Variants in RALGAPA1 observed in about 807,000 individuals in gnomAD.
RALGAPA1 encodes ral GTPase-activating protein subunit alpha-1.
RALGAPA1 carries 52 observed loss-of-function variants against 269.6 expected under a neutral mutation model. The ratio of observed to expected loss-of-function variants is 0.19; its 90% CI spans 0.15 to 0.24. The LOEUF is 0.24. Among genes scored for constraint, RALGAPA1 ranks in the 10% least tolerant of loss-of-function variants. The pLI is 1.00. For missense variants in RALGAPA1, 1,917 were observed against 3,013.9 expected, an observed-to-expected ratio of 0.64 and a Z score of 8.52; for synonymous variants, 817 against 1,008.3, an observed-to-expected ratio of 0.81 and a Z score of 3.60.
At chr14:35,549,022 G>T in intron 40 of RALGAPA1, 88 bp downstream of exon 40, 2 of 1,426,266 alleles carry the variant, frequency 1.4e-6, no homozygotes, top group Non-Finnish European at 1.9e-6. Flanking sequence ...TCAATGATTA[G>T]AATTTTTTTC....
intron 37 of RALGAPA1, among the ~76,000 whole-genome samples, chr14:35,589,846 T>C (rs1224516714): frequency 3.3e-5 from 5 of 152,070 alleles, no homozygotes; most frequent in Non-Finnish European, 5.9e-5. Context: ...ACTACAGGCA[T>C]GCACCACTAT....
intron 3 of RALGAPA1, among the ~76,000 whole-genome samples, chr14:35,771,723 A>G (rs2141507835): frequency 6.6e-6 from 1 of 151,986 alleles, no homozygotes; most frequent in East Asian, 1.9e-4. Flanking sequence ...TGCACTGGCT[A>G]TTCAGAAGCA....
intron 37 of RALGAPA1, among the ~76,000 whole-genome samples, chr14:35,581,869 A>G (rs927647948): frequency 2.0e-5 from 3 of 152,168 alleles, no homozygotes; most frequent in Non-Finnish European, 4.4e-5. Flanking sequence ...TGATCCCAGC[A>G]ATTCCACTCC....
chr14:35,544,130 T>C lies in RALGAPA1; in HGVS notation c.*23+4378A>G, dbSNP rs577783496. On this transcript the variant is annotated intron_variant, in intron 41 of 41. Coordinates refer to ENST00000680220, the MANE Select transcript of RALGAPA1 (RefSeq NM_001346249.2). ...AATTTGCATTTATATGGATAACAAC[T>C]GGCAGAACTAGGATTTAAATCCAGA... Among the ~76,000 whole-genome samples the C allele has an allele frequency of 2.0e-5, 3 of 152,322 alleles. No individual in the cohort carries two copies. The East Asian group carries it at 5.8e-4, about 29-fold the overall frequency.
intron 1 of RALGAPA1, among the ~76,000 whole-genome samples, chr14:35,805,945 C>T (rs2077343120): frequency 6.6e-6 from 1 of 152,056 alleles, no homozygotes. Context: ...ACCTCGGCCT[C>T]CCCAAGTCCT....
At chr14:35,562,869 A>T (rs1373027320) in intron 39 of RALGAPA1, among the ~76,000 whole-genome samples, 1 of 151,426 alleles carries the variant, frequency 6.6e-6, no homozygotes, top group Non-Finnish European at 1.5e-5. Context: ...AAAATACAAA[A>T]AATTAGCTGG....
At chr14:35,736,691 T>G (rs544464480) in intron 12 of RALGAPA1, among the ~76,000 whole-genome samples, 3 of 152,262 alleles carry the variant, frequency 2.0e-5, no homozygotes, top group African/African-American at 7.2e-5. Flanking sequence ...TACATCTGAT[T>G]TAACAATGTA....
chr14:35,766,269 G>C (rs1291232620), intron 4 of RALGAPA1: 3 of 818,900 alleles, frequency 3.7e-6, no homozygotes, highest in Non-Finnish European at 6.5e-6. Context: ...AATTGTCTTG[G>C]GTGTACTGGC....
At chr14:35,561,226 C>CAA (rs71124706) in intron 39 of RALGAPA1, among the ~76,000 whole-genome samples, 9,347 of 36,674 alleles carry the variant, frequency 0.25, 2,452 homozygotes, top group Non-Finnish European at 0.28. Flanking sequence ...AACTCTGTCT[C>CAA]AAAAAAAAAA....
chr14:35,658,402 T>C (rs974214506), intron 28 of RALGAPA1, among the ~76,000 whole-genome samples: 1 of 152,148 alleles, frequency 6.6e-6, no homozygotes, highest in Non-Finnish European at 1.5e-5. Context: ...GGTCAAAAAA[T>C]GTGTAGATGA....
chr14:35,577,115 G>A (rs1404327899), intron 37 of RALGAPA1, among the ~76,000 whole-genome samples: 1 of 152,126 alleles, frequency 6.6e-6, no homozygotes, highest in Non-Finnish European at 1.5e-5. Context: ...CATTATCTAA[G>A]TGCTCACAAA....
intron 11 of RALGAPA1, among the ~76,000 whole-genome samples, chr14:35,740,145 C>A (rs1369754668): frequency 6.6e-6 from 1 of 152,108 alleles, no homozygotes; most frequent in Admixed American, 6.5e-5. Flanking sequence ...TTTCCCCAAG[C>A]AGAGTTAGGT....
At chr14:35,614,849 T>C (rs2060154354) in intron 35 of RALGAPA1, among the ~76,000 whole-genome samples, 1 of 152,076 alleles carries the variant, frequency 6.6e-6, no homozygotes, top group Non-Finnish European at 1.5e-5. Flanking sequence ...TAATAATTTA[T>C]AAAATTGAGA....
Position 35,688,652 on chromosome 14 carries a change from A to C in RALGAPA1, c.3759T>G (p.Ser1253Arg). ...GIASSQLGSRSTLRSSSHEAG... is the reference protein window; with the variant it reads ...GIASSQLGSRRTLRSSSHEAG... ...CCTCATGACTTGATGACCTAAGAGT[A>C]CTACGACTACCTAATTGACTACTTG... is the stretch of plus-strand genomic sequence containing the variant. The change falls in exon 18 of 42, where the codon AGT (serine) becomes AGG (arginine). Residue 1253 changes from serine to arginine, a missense_variant. Physicochemically the swap from Ser to Arg is moderately radical, Grantham distance 110 (BLOSUM62 -1). Coordinates refer to ENST00000680220, the MANE Select transcript of RALGAPA1 (RefSeq NM_001346249.2). The C allele has an allele frequency of 6.6e-7, 1 of 1,519,602 alleles. No homozygotes were observed. The highest frequency in any genetic ancestry group is 2.5e-5 in the East Asian group (1 of 40,802). 94.1% of individuals were successfully genotyped at this position (1,519,602 alleles called of 1,614,324 possible). A position where few individuals can be genotyped will look rare whatever the true frequency, so the allele number is the denominator to read the frequency against.
chr14:35,688,995 A>AT lies in RALGAPA1; in HGVS notation c.3415dup (p.Ile1139AsnfsTer7). On this transcript the variant is annotated frameshift_variant, in exon 18 of 42. Transcript: ENST00000680220. LOFTEE classifies it high-confidence loss of function. ...TCGTTTTTTAGTAGCAATTTTCATG[A>AT]TTTTGGCTCTATGAGTTACTGTTTC... 8.1e-7 allele frequency: 1 copy of AT among 1,237,278 alleles called. No individual in the cohort carries two copies. The allele number at this position is 1,237,278 out of a possible 1,614,324, so 76.6% of individuals were successfully genotyped here. A position where few individuals can be genotyped will look rare whatever the true frequency, so the allele number is the denominator to read the frequency against.
chr14:35,798,577 C>A (rs1254188748), intron 1 of RALGAPA1, among the ~76,000 whole-genome samples: 2 of 152,078 alleles, frequency 1.3e-5, no homozygotes, highest in Admixed American at 6.6e-5. Flanking sequence ...CACATGTATC[C>A]CATAAATATG....
intron 39 of RALGAPA1, among the ~76,000 whole-genome samples, chr14:35,552,905 A>G (rs555204610): frequency 6.6e-6 from 1 of 152,312 alleles, no homozygotes; most frequent in African/African-American, 2.4e-5. Flanking sequence ...CATTAATATT[A>G]AGTTAACATC....
chr14:35,804,928 GA>G (rs929655226), intron 1 of RALGAPA1, among the ~76,000 whole-genome samples: 2 of 151,336 alleles, frequency 1.3e-5, no homozygotes, highest in Non-Finnish European at 3.0e-5. Context: ...CCTGTCACAA[GA>G]AAAAAAAGCA....
At chr14:35,714,093 T>TAAAAAAA (rs1269103441) in intron 16 of RALGAPA1, among the ~76,000 whole-genome samples, 1 of 130,158 alleles carries the variant, frequency 7.7e-6, no homozygotes, top group Non-Finnish European at 1.7e-5. Flanking sequence ...AGACTCCGTC[T>TAAAAAAA]AAAAAAAAAA....
Sources: allele counts gnomAD v4.1 joint callset (sites outside exome capture counted in the v4.1 genomes callset), GRCh38; gene constraint gnomAD v4.1.1; transcripts MANE v1.5; gene names NCBI Gene and HGNC (gene_info 2026-07-23, HGNC 2026-07-21).